The following NELL1 variants were observed in gnomAD, a reference collection of about 807,000 sequenced individuals.
The protein encoded by NELL1 is protein kinase C-binding protein NELL1.
A neutral mutation model predicts 107.4 loss-of-function variants in NELL1; 76 were observed. That is an observed-to-expected ratio of 0.71 (90% CI 0.59 to 0.86). The LOEUF (loss-of-function observed/expected upper bound fraction) is 0.86, where lower values mean the gene tolerates loss of function less well. Ranked by LOEUF, NELL1 falls within the 40% of genes least tolerant of loss-of-function variation. NELL1 has a pLI of 0.00. For synonymous variants in NELL1, 353 were observed against 341.2 expected (o/e 1.03, Z -0.38); for missense variants, 1,024 against 1,005.5 (o/e 1.02, Z -0.25).
chr11:21,034,114 C>T (rs749209367), intron 12 of NELL1, among the ~76,000 whole-genome samples: 6 of 152,148 alleles, frequency 3.9e-5, no homozygotes, highest in African/African-American at 7.2e-5. Flanking sequence ...GTGTTGCCTA[C>T]GTTGCCTTGC....
intron 2 of NELL1, among the ~76,000 whole-genome samples, chr11:20,780,035 G>C (rs1856823254): frequency 6.6e-6 from 1 of 152,134 alleles, no homozygotes; most frequent in African/African-American, 2.4e-5. Context: ...AAATTTACTT[G>C]AAAGGGCTTC....
intron 15 of NELL1, among the ~76,000 whole-genome samples, chr11:21,469,003 G>T (rs1854103770): frequency 1.3e-5 from 2 of 151,532 alleles, no homozygotes; most frequent in South Asian, 2.1e-4. Context: ...TTTTTTGTTT[G>T]TTTTTTGTTT....
rs1051937140 is a variant in NELL1 at position 21,404,010 on chromosome 11, C to G, written c.1645+33062C>G. Among the ~76,000 whole-genome samples the G allele has an allele frequency of 8.3e-5, 9 of 108,242 alleles. 1 individual carries two copies. The highest frequency in any genetic ancestry group is 1.4e-4 in the African/African-American group (4 of 29,390). 71.0% of individuals were successfully genotyped at this position (108,242 alleles called of 152,430 possible). A position where few individuals can be genotyped will look rare whatever the true frequency, so the allele number is the denominator to read the frequency against. On this transcript the variant is annotated intron_variant, in intron 15 of 19. Coordinates refer to ENST00000357134, the MANE Select transcript of NELL1 (RefSeq NM_006157.5). ...AATATCTCTGTCATTCCTGAACCCC[C>G]CCCCCCGCAATCAAAACCACTGGAT...
chr11:20,888,183 A>G lies in NELL1; in HGVS notation c.603+2643A>G, dbSNP rs184949346. ...CAGATTAGACACAGGTAGGAAGAGC[A>G]TTTGTGAAATGGAAAATATTGTTAA... On this transcript the variant is annotated intron_variant, in intron 5 of 19. Transcript: ENST00000357134. Among the ~76,000 whole-genome samples the G allele has an allele frequency of 2.2e-3, 329 of 152,252 alleles. 2 individuals are homozygous for G. The highest frequency in any genetic ancestry group is 6.8e-3 in the Middle Eastern group (2 of 294).
At chr11:20,889,134 C>T (rs1037423299) in intron 5 of NELL1, among the ~76,000 whole-genome samples, 2 of 152,112 alleles carry the variant, frequency 1.3e-5, no homozygotes, top group Admixed American at 6.5e-5. Context: ...TTTTTTTTGG[C>T]CACATCAGCA....
chr11:20,701,241 G>C (rs1662724384), intron 2 of NELL1, among the ~76,000 whole-genome samples: 2 of 152,074 alleles, frequency 1.3e-5, no homozygotes, highest in African/African-American at 4.8e-5. Flanking sequence ...GTTTTGATTT[G>C]CATTTCTCTG....
intron 3 of NELL1, among the ~76,000 whole-genome samples, chr11:20,819,947 A>G (rs1857713598): frequency 6.6e-6 from 1 of 152,166 alleles, no homozygotes; most frequent in Non-Finnish European, 1.5e-5. Context: ...TGATTCCTTG[A>G]GCTCCTTTCA....
At chr11:20,818,353 TA>T (rs144727456) in intron 3 of NELL1, among the ~76,000 whole-genome samples, 7,114 of 151,782 alleles carry the variant, frequency 0.047, 564 homozygotes, top group African/African-American at 0.16. Context: ...TGTCCTTTTT[TA>T]ATGTGGTTGG....
intron 15 of NELL1, among the ~76,000 whole-genome samples, chr11:21,449,114 AC>A (rs1853516849): frequency 6.6e-6 from 1 of 152,206 alleles, no homozygotes; most frequent in Admixed American, 6.5e-5. Context: ...TGAATATTTA[AC>A]TTTTAAAGGA....
At chr11:20,827,532 TTCTTCCA>T (rs1258669702) in intron 3 of NELL1, among the ~76,000 whole-genome samples, 3 of 151,268 alleles carry the variant, frequency 2.0e-5, no homozygotes, top group African/African-American at 7.3e-5. Flanking sequence ...CACTTCGTCA[TTCTTCCA>T]TCTTCAACAT....
chr11:21,339,212 T>A (rs533812551), intron 14 of NELL1, among the ~76,000 whole-genome samples: 3 of 152,194 alleles, frequency 2.0e-5, no homozygotes, highest in African/African-American at 7.2e-5. Flanking sequence ...ATGTCCCTAA[T>A]CCATTATAAG....
At chr11:21,386,682 G>A (rs1241812126) in intron 15 of NELL1, among the ~76,000 whole-genome samples, 1 of 151,880 alleles carries the variant, frequency 6.6e-6, no homozygotes, top group African/African-American at 2.4e-5. Flanking sequence ...ACACTGAAGG[G>A]CAAGGCTGAC....
At chr11:21,405,219 T>G (rs1451042299) in intron 15 of NELL1, among the ~76,000 whole-genome samples, 1 of 151,896 alleles carries the variant, frequency 6.6e-6, no homozygotes, top group East Asian at 2.0e-4. Context: ...GCTCCTTGGC[T>G]TCATTCTTTC....
chr11:20,674,222 C>T (rs1471606678), intron 1 of NELL1, among the ~76,000 whole-genome samples: 1 of 152,128 alleles, frequency 6.6e-6, no homozygotes, highest in East Asian at 1.9e-4. Context: ...CCTTCTAAGT[C>T]ACTTGGGCAT....
intron 14 of NELL1, among the ~76,000 whole-genome samples, chr11:21,239,055 G>A (rs1331585269): frequency 1.3e-5 from 2 of 152,146 alleles, no homozygotes; most frequent in South Asian, 2.1e-4. Context: ...ACTTAGGTTA[G>A]TGTTTGGAAC....
chr11:21,041,765 T>C (rs1853238636), intron 12 of NELL1, among the ~76,000 whole-genome samples: 1 of 152,248 alleles, frequency 6.6e-6, no homozygotes, highest in African/African-American at 2.4e-5. Flanking sequence ...TGTATAGTGC[T>C]AATAATTATG....
intron 14 of NELL1, among the ~76,000 whole-genome samples, chr11:21,253,034 A>G (rs1590774985): frequency 6.6e-6 from 1 of 152,086 alleles, no homozygotes; most frequent in Non-Finnish European, 1.5e-5. Flanking sequence ...CATTGTTGTA[A>G]GTAATCAAAT....
chr11:20,905,470 A>G (rs1440400024), intron 5 of NELL1, among the ~76,000 whole-genome samples: 1 of 152,200 alleles, frequency 6.6e-6, no homozygotes. Flanking sequence ...AACTTACTGT[A>G]CAGACTTTAA....
At chr11:21,047,080 C>A (rs1187435800) in intron 12 of NELL1, among the ~76,000 whole-genome samples, 2 of 152,004 alleles carry the variant, frequency 1.3e-5, no homozygotes, top group African/African-American at 4.8e-5. Context: ...AATAAAGATA[C>A]AAGTATAGAA....
Sources: gnomAD v4.1 joint callset for allele counts (sites outside exome capture counted in the v4.1 genomes callset) on GRCh38, gnomAD v4.1.1 for gene constraint, MANE v1.5 for transcripts, NCBI Gene and HGNC (gene_info 2026-07-23, HGNC 2026-07-21) for gene names.